Variants in KSR2 observed in about 807,000 individuals in gnomAD.
KSR2 encodes the protein kinase suppressor of ras 2.
A neutral mutation model predicts 107.8 loss-of-function variants in KSR2; 25 were observed. The observed-to-expected ratio is 0.23, with a 90% CI of 0.17 to 0.32. The LOEUF is 0.32. KSR2 is among the 10% of genes least tolerant of loss of function. The pLI, the probability that KSR2 is intolerant of heterozygous loss-of-function variation, is 1.00. For missense variants in KSR2, 887 were observed against 1,268.9 expected (o/e 0.70, Z 4.57); for synonymous variants, 480 against 507.0 (o/e 0.95, Z 0.71).
chr12:117,951,923 T>C (rs2096444523), intron 1 of KSR2, among the ~76,000 whole-genome samples: 1 of 152,106 alleles, frequency 6.6e-6, no homozygotes, highest in South Asian at 2.1e-4. Context: ...GAAAGACAAA[T>C]ACAGTATGAT....
intron 3 of KSR2, among the ~76,000 whole-genome samples, chr12:117,820,174 C>G (rs1020564088): frequency 6.6e-6 from 1 of 152,158 alleles, no homozygotes; most frequent in East Asian, 1.9e-4. Context: ...AGGGTTCCCC[C>G]CTACCCAGCT....
chr12:117,529,328 G>T (rs1441800642), intron 12 of KSR2, among the ~76,000 whole-genome samples: 1 of 152,130 alleles, frequency 6.6e-6, no homozygotes, highest in East Asian at 1.9e-4. Flanking sequence ...CAATTCTCCT[G>T]CCTCAGCCTC....
At chr12:117,807,722 G>C (rs1891058475) in intron 3 of KSR2, among the ~76,000 whole-genome samples, 1 of 152,244 alleles carries the variant, frequency 6.6e-6, no homozygotes, top group Non-Finnish European at 1.5e-5. Flanking sequence ...GCCAGGCACA[G>C]TTTCAAGGAC....
In KSR2 at chr12:117,667,498, G is replaced by T; in HGVS notation, c.1147C>A (p.His383Asn). Reference sequence around the variant, plus strand: ...CTTGCAGAGAAGTTGGCCTCAGTGTGAACAGGAGGGGTGGAAGGCAGGAAA... The same window carrying T: ...CTTGCAGAGAAGTTGGCCTCAGTGTTAACAGGAGGGGTGGAAGGCAGGAAA... ...APFLPSTPPV[H>N]TEANFSANTL... The change falls in exon 5 of 20, where the codon CAC (histidine) becomes AAC (asparagine). Residue 383 changes from histidine (H) to asparagine (N), a missense_variant. Coordinates refer to ENST00000339824, the MANE Select transcript of KSR2 (RefSeq NM_173598.6). 3.1e-6 allele frequency: 5 copies of T among 1,611,824 alleles called. No individual in the cohort carries two copies. Among genetic ancestry groups the T allele is most frequent in the Non-Finnish European group, 4.2e-6 (5 of 1,179,344 alleles).
At chr12:117,704,988 G>A (rs776040485) in intron 4 of KSR2, among the ~76,000 whole-genome samples, 35 of 152,076 alleles carry the variant, frequency 2.3e-4, no homozygotes, top group Admixed American at 4.6e-4. Context: ...TTATTCAGTC[G>A]CCTGCCCCAC....
At chr12:117,918,541 C>G (rs886599011) in intron 1 of KSR2, among the ~76,000 whole-genome samples, 6 of 152,116 alleles carry the variant, frequency 3.9e-5, no homozygotes, top group African/African-American at 1.4e-4. Flanking sequence ...GTAATCCCAG[C>G]ACTTTGGGAG....
chr12:117,933,243 A>T (rs549704948), intron 1 of KSR2, among the ~76,000 whole-genome samples: 1 of 152,306 alleles, frequency 6.6e-6, no homozygotes, highest in African/African-American at 2.4e-5. Flanking sequence ...ACAACAAATA[A>T]TTTTTAGTAT....
At chr12:117,625,267 C>T (rs1882411920) in intron 5 of KSR2, among the ~76,000 whole-genome samples, 1 of 152,196 alleles carries the variant, frequency 6.6e-6, no homozygotes, top group Admixed American at 6.5e-5. Context: ...GAGAGGGCAT[C>T]CCTGACTTGT....
chr12:117,909,017 A>G (rs1894938762), intron 1 of KSR2, among the ~76,000 whole-genome samples: 1 of 152,196 alleles, frequency 6.6e-6, no homozygotes, highest in Non-Finnish European at 1.5e-5. Flanking sequence ...GGCACAGCTA[A>G]GAAGCAAGTT....
At chr12:117,879,009 C>T (rs570204976) in intron 1 of KSR2, among the ~76,000 whole-genome samples, 2 of 152,102 alleles carry the variant, frequency 1.3e-5, no homozygotes, top group Admixed American at 6.6e-5. Flanking sequence ...ACACGCCCAC[C>T]GAAATCACTG....
chr12:117,702,582 G>A (rs1166241297), intron 4 of KSR2, among the ~76,000 whole-genome samples: 1 of 152,188 alleles, frequency 6.6e-6, no homozygotes, highest in Non-Finnish European at 1.5e-5. Flanking sequence ...CCATATCAAA[G>A]TTTTCAGAGA....
intron 8 of KSR2, among the ~76,000 whole-genome samples, chr12:117,557,238 C>A (rs1374952493): frequency 6.6e-6 from 1 of 152,172 alleles, no homozygotes; most frequent in Non-Finnish European, 1.5e-5. Flanking sequence ...TTGGAAATGT[C>A]AGAAATGCTG....
chr12:117,642,413 T>C (rs1393431044), intron 5 of KSR2, among the ~76,000 whole-genome samples: 2 of 152,208 alleles, frequency 1.3e-5, no homozygotes, highest in African/African-American at 4.8e-5. Context: ...AGTTTCTATA[T>C]ATTTTCAAGG....
intron 16 of KSR2, among the ~76,000 whole-genome samples, chr12:117,480,522 C>T (rs983795302): frequency 6.6e-6 from 1 of 152,144 alleles, no homozygotes; most frequent in African/African-American, 2.4e-5. Flanking sequence ...GGCAGAACAG[C>T]TGGATGCTGG....
At chr12:117,803,983 T>TAGTC (rs1890925954) in intron 3 of KSR2, among the ~76,000 whole-genome samples, 2 of 152,214 alleles carry the variant, frequency 1.3e-5, no homozygotes, top group African/African-American at 4.8e-5. Context: ...TAACAAACTA[T>TAGTC]AGTCCATGGG....
At chr12:117,865,502 A>T (rs1893439360) in intron 1 of KSR2, among the ~76,000 whole-genome samples, 1 of 152,122 alleles carries the variant, frequency 6.6e-6, no homozygotes, top group Admixed American at 6.6e-5. Context: ...AATAATAATA[A>T]ATGACCATGC....
intron 9 of KSR2, among the ~76,000 whole-genome samples, chr12:117,553,846 C>CCT (rs546688661): frequency 0.021 from 3,190 of 148,776 alleles, 51 homozygotes; most frequent in Middle Eastern, 0.034. Flanking sequence ...CCTCCCCTCT[C>CCT]CTCTCTCTCT....
At position 117,475,695 on chromosome 12, in the gene KSR2, T is replaced by C. The variant is rs577725368; in HGVS notation, c.2582+769A>G. 2.7e-4 allele frequency among the ~76,000 whole-genome samples: 41 copies of C among 152,314 alleles called. 1 individual carries two copies. In the Middle Eastern group the frequency reaches 0.01, roughly 38 times the overall value. On this transcript the variant is annotated intron_variant, in intron 17 of 19. Transcript: ENST00000339824. The stretch of plus-strand genomic sequence containing the variant: ...CTCTGGTGGTTTTAAATATGTCCAG[T>C]ATATTCTTTGATATTCCATTATGTA...
At chr12:117,966,594 T>TTC (rs71450240) in intron 1 of KSR2, among the ~76,000 whole-genome samples, 16 of 133,942 alleles carry the variant, frequency 1.2e-4, no homozygotes, top group African/African-American at 1.8e-4. Context: ...AAACAGCATG[T>TTC]TCTCTCTCTC....
Sources: allele counts gnomAD v4.1 joint callset (sites outside exome capture counted in the v4.1 genomes callset), GRCh38; gene constraint gnomAD v4.1.1; transcripts MANE v1.5; gene names NCBI Gene and HGNC (gene_info 2026-07-23, HGNC 2026-07-21).